Variants in ZNF106 observed in about 807,000 individuals in gnomAD.
The protein encoded by ZNF106 is SH3-domain binding protein 3.
In ZNF106, 67 loss-of-function variants were observed where a neutral mutation model predicts 195.1. The ratio of observed to expected loss-of-function variants is 0.34; its 90% CI spans 0.28 to 0.42. ZNF106 has a LOEUF of 0.42. Ranked by LOEUF, ZNF106 falls within the 10% of genes least tolerant of loss-of-function variation. The pLI is 1.00. For missense variants in ZNF106, 2,118 were observed against 2,304.5 expected (o/e 0.92, Z 1.66); for synonymous variants, 784 against 818.6 (o/e 0.96, Z 0.72).
chr15:42,463,735 G>C (rs956941043), intron 3 of ZNF106, among the ~76,000 whole-genome samples: 1 of 152,116 alleles, frequency 6.6e-6, no homozygotes, highest in African/African-American at 2.4e-5. Context: ...AGGAGTTCGA[G>C]GTTGCAGTCA....
At chr15:42,474,262 T>C (rs2056739776) in intron 1 of ZNF106, among the ~76,000 whole-genome samples, 1 of 152,384 alleles carries the variant, frequency 6.6e-6, no homozygotes, top group East Asian at 1.9e-4. Flanking sequence ...TATGTATTTG[T>C]TATTCTCTGT....
intron 2 of ZNF106, among the ~76,000 whole-genome samples, chr15:42,470,886 C>T (rs2056650248): frequency 6.6e-6 from 1 of 152,080 alleles, no homozygotes; most frequent in Admixed American, 6.6e-5. Flanking sequence ...TTTTTGTAAA[C>T]AGTAGCAGGT....
At chr15:42,468,149 C>G (rs2056571971) in intron 2 of ZNF106, among the ~76,000 whole-genome samples, 1 of 146,328 alleles carries the variant, frequency 6.8e-6, no homozygotes, top group Admixed American at 6.9e-5. Context: ...GATCTCGGCT[C>G]ACGACAACCT....
intron 19 of ZNF106, among the ~76,000 whole-genome samples, chr15:42,421,345 G>C (rs759694853): frequency 1.3e-5 from 2 of 152,150 alleles, no homozygotes; most frequent in Non-Finnish European, 2.9e-5. Flanking sequence ...CTTGGGACCA[G>C]GGCAGAGAGG....
At chr15:42,463,245 G>A (rs2056434795) in intron 3 of ZNF106, among the ~76,000 whole-genome samples, 1 of 152,116 alleles carries the variant, frequency 6.6e-6, no homozygotes, top group Non-Finnish European at 1.5e-5. Flanking sequence ...TATGGGTAGG[G>A]TGGCAGGTAA....
At chr15:42,480,276 T>C (rs534119529) in intron 1 of ZNF106, among the ~76,000 whole-genome samples, 15 of 152,340 alleles carry the variant, frequency 9.8e-5, no homozygotes, top group South Asian at 4.1e-4. Context: ...ATCTTTCTCA[T>C]GAACTGACCT....
rs370759444 is a variant in ZNF106 at position 42,428,130 on chromosome 15, C to G, written c.4886G>C (p.Arg1629Pro). ...CAGCTGTAACTGCTCCACACACTCTCGGCTCTGATAAAAGCACACAACCTT... is the reference window on the plus strand; with the variant it reads ...CAGCTGTAACTGCTCCACACACTCTGGGCTCTGATAAAAGCACACAACCTT... ...HTIRCYNVKS[R>P]ECVEQLQLED... is the part of the protein sequence containing the mutation. The change falls in exon 15 of 22, where the codon CGA becomes CCA. Residue 1629 changes from arginine to proline, a missense_variant. Arg to Pro is a moderately radical substitution (Grantham distance 103, BLOSUM62 -2). Coordinates refer to ENST00000564754, the MANE Select transcript of ZNF106 (RefSeq NM_001366845.3). The G allele has an allele frequency of 1.2e-6, 2 of 1,613,774 alleles. No individual in the cohort carries two copies. The highest frequency in any genetic ancestry group is 8.5e-7 in the Non-Finnish European group (1 of 1,179,786).
At chr15:42,452,701 TTTGA>T (rs1354361140) in intron 4 of ZNF106, among the ~76,000 whole-genome samples, 9 of 147,490 alleles carry the variant, frequency 6.1e-5, no homozygotes, top group Non-Finnish European at 9.1e-5. Context: ...TTTTTTTTTT[TTTGA>T]GACAGAGTCT....
chr15:42,447,938 G>T, intron 6 of ZNF106, 134 bp downstream of exon 6: 1 of 1,051,076 alleles, frequency 9.5e-7, no homozygotes, highest in Non-Finnish European at 1.4e-6. Context: ...ATGAAAGTAA[G>T]AACCTCACAA....
In ZNF106 at chr15:42,428,061, T is replaced by G. The variant is rs150922683; in HGVS notation, c.4955A>C (p.Tyr1652Ser). ...LCLHSRWRIL[Y>S]AGLANGTVVT... Reference sequence around the variant, plus strand: ...CACAGTGCCATTTGCCAGTCCCGCATAGAGGATTCGCCATCTACTGTGGAG... The same window carrying G: ...CACAGTGCCATTTGCCAGTCCCGCAGAGAGGATTCGCCATCTACTGTGGAG... The change falls in exon 15 of 22, where the codon TAT becomes TCT. Residue 1652 changes from tyrosine (Y) to serine (S), a missense_variant. Tyr to Ser is a moderately radical substitution (Grantham distance 144). Coordinates refer to ENST00000564754, the MANE Select transcript of ZNF106 (RefSeq NM_001366845.3). The G allele has an allele frequency of 6.2e-7, 1 of 1,614,186 alleles. No homozygotes were observed. The highest frequency in any genetic ancestry group is 8.5e-7 in the Non-Finnish European group (1 of 1,180,012).
At chr15:42,418,658 C>T (rs1442510483) in intron 20 of ZNF106, among the ~76,000 whole-genome samples, 2 of 150,326 alleles carry the variant, frequency 1.3e-5, no homozygotes, top group Non-Finnish European at 3.0e-5. Context: ...GGATTACAGG[C>T]GTGAGCCACC....
rs761962870 is a variant in ZNF106 at position 42,435,509 on chromosome 15, A to C, written c.4756T>G (p.Cys1586Gly). ...VRVYNLVSRK[C>G]IGVFEGHTSK... ...GTATGACCCTCAAAGACACCAATAC[A>C]TTTCCGACTCTAAAGTTTAAGCACA... The change falls in exon 14 of 22, where the codon TGT becomes GGT. Residue 1586 changes from cysteine to glycine, a missense_variant. Cys to Gly is a radical substitution (Grantham distance 159). Transcript: ENST00000564754. 1 of 1,614,144 alleles carries C rather than the reference A, an allele frequency of 6.2e-7. No homozygotes were observed. Among genetic ancestry groups the C allele is most frequent in the Admixed American group, 1.7e-5 (1 of 60,008 alleles).
chr15:42,440,804 G>A (rs2055472597), intron 10 of ZNF106, among the ~76,000 whole-genome samples: 1 of 150,702 alleles, frequency 6.6e-6, no homozygotes, highest in South Asian at 2.1e-4. Flanking sequence ...CCAACATGGT[G>A]AAAGCCTGTC....
intron 9 of ZNF106, among the ~76,000 whole-genome samples, chr15:42,442,796 T>G (rs2055606032): frequency 6.6e-6 from 1 of 151,570 alleles, no homozygotes; most frequent in South Asian, 2.1e-4. Flanking sequence ...TTGTTATTAT[T>G]TTTTTGAGAC....
intron 6 of ZNF106, 77 bp downstream of exon 6, chr15:42,447,995 A>T: frequency 6.8e-7 from 1 of 1,479,388 alleles, no homozygotes; most frequent in Non-Finnish European, 9.1e-7. Flanking sequence ...CCCAAGAAAA[A>T]CAGTTGAACC....
rs1359977044 is a variant in ZNF106 at position 42,450,533 on chromosome 15, T to C, written c.1739A>G (p.Lys580Arg). 11 of 1,614,094 alleles carry C rather than the reference T, an allele frequency of 6.8e-6. No individual in the cohort carries two copies. Among genetic ancestry groups the C allele is most frequent in the African/African-American group, 5.3e-5 (4 of 74,932 alleles). ...TGCTTTTGCATAGTTCCTGGTACTT[T>C]TAGAAGTGCTAAGAAGTGGATTTTG... ...SLQNPLLSTS[K>R]STRNYAKASR... The change falls in exon 5 of 22, where the codon AAA becomes AGA. Residue 580 changes from lysine (K) to arginine (R), a missense_variant. Physicochemically the swap from Lys to Arg is conservative, Grantham distance 26 (BLOSUM62 2). Transcript: ENST00000564754.
At chr15:42,441,998 G>A (rs545275894) in intron 10 of ZNF106, 75 bp downstream of exon 10, 1 of 1,202,236 alleles carries the variant, frequency 8.3e-7, no homozygotes, top group Non-Finnish European at 1.2e-6. Flanking sequence ...GAGCAAGTAT[G>A]GCTTATATCA....
chr15:42,443,997 C>T (rs548050857), intron 9 of ZNF106, among the ~76,000 whole-genome samples: 1 of 150,774 alleles, frequency 6.6e-6, no homozygotes, highest in East Asian at 2.0e-4. Flanking sequence ...CCTGTAATTC[C>T]AGCTAATCAA....
intron 14 of ZNF106, among the ~76,000 whole-genome samples, chr15:42,433,978 A>T (rs2055167767): frequency 6.6e-6 from 1 of 152,034 alleles, no homozygotes; most frequent in African/African-American, 2.4e-5. Context: ...CCTCCCAAAC[A>T]GCTAGGACTA....
Sources: allele counts gnomAD v4.1 joint callset (sites outside exome capture counted in the v4.1 genomes callset), GRCh38; gene constraint gnomAD v4.1.1; transcripts MANE v1.5; gene names NCBI Gene and HGNC (gene_info 2026-07-23, HGNC 2026-07-21).